C8orf34: variants seen among roughly 807,000 people sequenced by gnomAD.
C8orf34 encodes the protein uncharacterized protein C8orf34.
C8orf34 carries 65 observed loss-of-function variants against 68.3 expected under a neutral mutation model. The ratio of observed to expected loss-of-function variants is 0.95; its 90% confidence interval spans 0.78 to 1.17. The LOEUF is 1.17. C8orf34 is among the 50% of genes most tolerant of loss of function. C8orf34 has a pLI of 0.00. For missense variants in C8orf34, 664 were observed against 655.4 expected, an observed-to-expected ratio of 1.01 and a Z score of -0.14; for synonymous variants, 244 against 241.2, an observed-to-expected ratio of 1.01 and a Z score of -0.11.
At chr8:68,450,311 T>A (rs1179259603) in intron 3 of C8orf34, among the ~76,000 whole-genome samples, 1 of 152,136 alleles carries the variant, frequency 6.6e-6, no homozygotes, top group Non-Finnish European at 1.5e-5. Context: ...AAGTCATCCA[T>A]GAGGGTTGAC....
chr8:68,638,706 G>A lies in C8orf34; in HGVS notation c.1106-1670G>A, dbSNP rs572742914. 3.3e-5 allele frequency among the ~76,000 whole-genome samples: 5 copies of A among 152,032 alleles called. No homozygotes were observed. The South Asian group carries it at 1.0e-3, about 32-fold the overall frequency. ...GTTGTCCAGTTAACAAACTGGACAA[G>A]TTTTTGATGACTCCCATGAAGTTGA... On this transcript the variant is annotated intron_variant, in intron 7 of 13. Coordinates refer to ENST00000518698, the MANE Select transcript of C8orf34 (RefSeq NM_052958.4).
In C8orf34 at chr8:68,335,175, C is replaced by A. The variant is rs530545103; in HGVS notation, c.327+3836C>A. Among the ~76,000 whole-genome samples the A allele has an allele frequency of 8.5e-5, 13 of 152,114 alleles. No homozygotes were observed. The South Asian group carries it at 2.5e-3, about 29-fold the overall frequency. On this transcript the variant is annotated intron_variant, in intron 1 of 13. Coordinates refer to ENST00000518698, the MANE Select transcript of C8orf34 (RefSeq NM_052958.4). Reference sequence around the variant, plus strand: ...TAGGCAGGCTTATGATTGTTTAGGGCAGTTGTTTGGGGATAAGAAGGATAC... The same window carrying A: ...TAGGCAGGCTTATGATTGTTTAGGGAAGTTGTTTGGGGATAAGAAGGATAC...
intron 8 of C8orf34, among the ~76,000 whole-genome samples, chr8:68,681,671 C>T (rs1820375607): frequency 6.6e-6 from 1 of 152,066 alleles, no homozygotes; most frequent in African/African-American, 2.4e-5. Flanking sequence ...CATATACCAC[C>T]CCCTCACAAA....
intron 1 of C8orf34, among the ~76,000 whole-genome samples, chr8:68,364,911 GA>G (rs1239445778): frequency 6.6e-6 from 1 of 152,014 alleles, no homozygotes; most frequent in East Asian, 1.9e-4. Flanking sequence ...AGAACTGAAG[GA>G]AATAGAGACA....
chr8:68,535,856 A>C, intron 7 of C8orf34: 2 of 981,356 alleles, frequency 2.0e-6, no homozygotes, highest in Non-Finnish European at 2.4e-6. Flanking sequence ...CATTTTAAGC[A>C]CCTCTGAAAT....
intron 3 of C8orf34, among the ~76,000 whole-genome samples, chr8:68,450,483 C>T (rs974179421): frequency 4.6e-5 from 7 of 152,032 alleles, no homozygotes; most frequent in African/African-American, 1.4e-4. Flanking sequence ...GGCAGATATA[C>T]CTGTATAAAA....
Position 68,466,738 on chromosome 8 carries a change from C to CATATATATATAT in C8orf34, c.608-1938_608-1927dup, listed in dbSNP as rs35661495. On this transcript the variant is annotated intron_variant, in intron 3 of 13. Coordinates refer to ENST00000518698, the MANE Select transcript of C8orf34 (RefSeq NM_052958.4). ...TTCTGTGAAAATAAACAACGTTGTACATATATATATATATATATATATATA... is the reference window on the plus strand; with the variant it reads ...TTCTGTGAAAATAAACAACGTTGTACATATATATATATATATATATATATATATATATATATA... 4.5e-3 allele frequency among the ~76,000 whole-genome samples: 538 copies of CATATATATATAT among 120,540 alleles called. 19 individuals are homozygous for CATATATATATAT. Among genetic ancestry groups the CATATATATATAT allele is most frequent in the African/African-American group, 0.012 (339 of 27,138 alleles). The allele number at this position is 120,540 out of a possible 152,430, so 79.1% of individuals were successfully genotyped here. A position where few individuals can be genotyped will look rare whatever the true frequency, so the allele number is the denominator to read the frequency against.
At chr8:68,542,866 A>C (rs567144754) in intron 7 of C8orf34, among the ~76,000 whole-genome samples, 26 of 152,300 alleles carry the variant, frequency 1.7e-4, no homozygotes, top group Non-Finnish European at 3.4e-4. Flanking sequence ...GCCAAGTAGC[A>C]AACCTGATTG....
At chr8:68,396,374 C>T (rs556211151) in intron 1 of C8orf34, among the ~76,000 whole-genome samples, 2 of 152,058 alleles carry the variant, frequency 1.3e-5, no homozygotes, top group African/African-American at 4.8e-5. Flanking sequence ...TGTAGCACAA[C>T]TCTTAAGGCT....
chr8:68,586,402 A>G (rs1187893317), intron 7 of C8orf34, among the ~76,000 whole-genome samples: 1 of 152,162 alleles, frequency 6.6e-6, no homozygotes, highest in East Asian at 1.9e-4. Context: ...TTATGATTTC[A>G]TTATTAGTAT....
intron 11 of C8orf34, among the ~76,000 whole-genome samples, chr8:68,782,729 T>C (rs1823715656): frequency 6.6e-6 from 1 of 152,148 alleles, no homozygotes; most frequent in African/African-American, 2.4e-5. Context: ...GAGCTGCTTG[T>C]GCTAAAAATC....
intron 1 of C8orf34, among the ~76,000 whole-genome samples, chr8:68,385,943 A>C (rs1808239740): frequency 6.6e-6 from 1 of 152,164 alleles, no homozygotes; most frequent in African/African-American, 2.4e-5. Context: ...ACTGTTGCCC[A>C]GACTGGAGTG....
chr8:68,652,119 C>G (rs1028579184), intron 8 of C8orf34, among the ~76,000 whole-genome samples: 5 of 152,178 alleles, frequency 3.3e-5, no homozygotes, highest in African/African-American at 1.2e-4. Context: ...CAAAATACAT[C>G]CTTAAGCAAG....
intron 7 of C8orf34, among the ~76,000 whole-genome samples, chr8:68,605,964 G>C (rs951500720): frequency 1.3e-5 from 2 of 152,036 alleles, no homozygotes; most frequent in Non-Finnish European, 1.5e-5. Context: ...GTGTGTGTGG[G>C]GGGCAGGAGG....
chr8:68,424,329 G>T (rs969297708), intron 1 of C8orf34, among the ~76,000 whole-genome samples: 2 of 152,096 alleles, frequency 1.3e-5, no homozygotes, highest in Non-Finnish European at 1.5e-5. Flanking sequence ...CCTAAACGGG[G>T]CAACTGACTA....
At chr8:68,781,666 T>C (rs957470067) in intron 11 of C8orf34, among the ~76,000 whole-genome samples, 1 of 152,200 alleles carries the variant, frequency 6.6e-6, no homozygotes, top group Non-Finnish European at 1.5e-5. Flanking sequence ...ACATACATAG[T>C]GGTGCTTGTT....
chr8:68,466,900 G>A (rs935510243), intron 3 of C8orf34, among the ~76,000 whole-genome samples: 9 of 150,838 alleles, frequency 6.0e-5, no homozygotes, highest in African/African-American at 2.2e-4. Context: ...TTCATTAGTT[G>A]GAGACTATTT....
intron 4 of C8orf34, among the ~76,000 whole-genome samples, chr8:68,476,072 A>G (rs1812604356): frequency 6.6e-6 from 1 of 152,254 alleles, no homozygotes; most frequent in Admixed American, 6.5e-5. Context: ...CTTTTCTGAC[A>G]AACAGACTAA....
intron 10 of C8orf34, among the ~76,000 whole-genome samples, chr8:68,760,779 G>A (rs1238020187): frequency 6.6e-6 from 1 of 152,156 alleles, no homozygotes; most frequent in Non-Finnish European, 1.5e-5. Flanking sequence ...GCAAAACTAA[G>A]AAGTGGAAAA....
Sources: allele counts gnomAD v4.1 joint callset (sites outside exome capture counted in the v4.1 genomes callset), GRCh38; gene constraint gnomAD v4.1.1; transcripts MANE v1.5; gene names NCBI Gene and HGNC (gene_info 2026-07-23, HGNC 2026-07-21).